Variants in NPAS3 observed in about 807,000 individuals in gnomAD.
NPAS3 encodes the protein neuronal PAS domain-containing protein 3.
In NPAS3, 14 loss-of-function variants were observed where a neutral mutation model predicts 73.1. The observed-to-expected ratio is 0.19, with a 90% CI of 0.13 to 0.30. NPAS3 has a LOEUF of 0.30. Among genes scored for constraint, NPAS3 ranks in the 10% least tolerant of loss-of-function variants. The probability of loss-of-function intolerance (pLI) is 1.00; values close to 1 mark genes in which losing one functional copy is unlikely to be tolerated. For synonymous variants in NPAS3, 620 were observed against 541.5 expected, an observed-to-expected ratio of 1.14 and a Z score of -2.01; for missense variants, 1,096 against 1,250.0, an observed-to-expected ratio of 0.88 and a Z score of 1.86.
intron 3 of NPAS3, among the ~76,000 whole-genome samples, chr14:33,276,424 T>G (rs1358479502): frequency 6.6e-6 from 1 of 152,126 alleles, no homozygotes; most frequent in African/African-American, 2.4e-5. Context: ...AATCAACCAT[T>G]TGTTCTAGTC....
rs776442834 is a variant in NPAS3, at chr14:33,215,658, A to G, written c.385+232A>G. 6.0e-4 allele frequency: 413 copies of G among 684,578 alleles called. 5 individuals are homozygous for G. Among genetic ancestry groups the G allele is most frequent in the Middle Eastern group, 3.8e-4 (1 of 2,636 alleles). The allele number at this position is 684,578 out of a possible 1,614,324, so 42.4% of individuals were successfully genotyped here. ...TCAGCCTAAAATTCTGTCACTTTAT[A>G]TAAGATTTCAGAGAAATGAAAATGA... On this transcript the variant is annotated intron_variant, in intron 3 of 11. Coordinates refer to ENST00000356141, the Ensembl canonical transcript of NPAS3.
In NPAS3 at chr14:33,761,286, G is replaced by A. The variant is rs549597950; in HGVS notation, c.853-13051G>A. Among the ~76,000 whole-genome samples, 5 of 152,286 alleles carry A rather than the reference G, an allele frequency of 3.3e-5. No homozygotes were observed. In the South Asian group the frequency reaches 8.3e-4, roughly 25 times the overall value. Reference sequence around the variant, plus strand: ...CTCACTAAGCCTTTACACTGGCAGAGAGAGGAAAGGAGTTTCTGTAGAATT... The same window carrying A: ...CTCACTAAGCCTTTACACTGGCAGAAAGAGGAAAGGAGTTTCTGTAGAATT... On this transcript the variant is annotated intron_variant, in intron 7 of 11. Transcript: ENST00000356141.
chr14:33,746,901 C>A (rs980638394), intron 7 of NPAS3, among the ~76,000 whole-genome samples: 2 of 147,938 alleles, frequency 1.4e-5, no homozygotes, highest in Non-Finnish European at 2.9e-5. Flanking sequence ...CCCGTCCCCC[C>A]ACCCCACCAC....
At chr14:33,048,871 G>A (rs2040604752) in intron 1 of NPAS3, among the ~76,000 whole-genome samples, 2 of 152,224 alleles carry the variant, frequency 1.3e-5, no homozygotes, top group Admixed American at 1.3e-4. Context: ...CATTTGCTAA[G>A]AGGGTGCACA....
At chr14:32,977,356 G>GCACACACACACACACACACACA (rs3057259) in intron 1 of NPAS3, among the ~76,000 whole-genome samples, 1 of 141,448 alleles carries the variant, frequency 7.1e-6, no homozygotes, top group African/African-American at 2.6e-5. Flanking sequence ...TCTCTGACAC[G>GCACACACACACACACACACACA]CACACACACA....
intron 6 of NPAS3, among the ~76,000 whole-genome samples, chr14:33,721,688 G>A (rs184112869): frequency 6.1e-4 from 93 of 152,032 alleles, no homozygotes; most frequent in Non-Finnish European, 1.2e-3. Flanking sequence ...ATTTATTTAG[G>A]TTTCATTTTG....
At chr14:33,471,904 C>T (rs561750533) in intron 4 of NPAS3, among the ~76,000 whole-genome samples, 6 of 152,170 alleles carry the variant, frequency 3.9e-5, no homozygotes, top group Non-Finnish European at 8.8e-5. Flanking sequence ...GCTCCAGCTC[C>T]TGTCAGATCA....
intron 2 of NPAS3, among the ~76,000 whole-genome samples, chr14:33,075,247 T>C (rs1017800031): frequency 6.6e-6 from 1 of 152,198 alleles, no homozygotes; most frequent in South Asian, 2.1e-4. Flanking sequence ...TTTCTTAGGG[T>C]CCCTCTATAT....
At chr14:33,301,318 ATATATTTTT>A (rs1326671903) in intron 3 of NPAS3, among the ~76,000 whole-genome samples, 1 of 97,128 alleles carries the variant, frequency 1.0e-5, no homozygotes, top group African/African-American at 4.4e-5. Flanking sequence ...ATATATATAT[ATATATTTTT>A]TTTTTTTAAA....
In NPAS3 at chr14:33,579,645, CT is replaced by C. The variant is rs147406882; in HGVS notation, c.558+19445del. Among the ~76,000 whole-genome samples the C allele has an allele frequency of 5.1e-3, 761 of 149,236 alleles. 5 individuals are homozygous for C. Among genetic ancestry groups the C allele is most frequent in the African/African-American group, 0.017 (686 of 40,756 alleles). On this transcript the variant is annotated intron_variant, in intron 5 of 11. Transcript: ENST00000356141. ...TTCAGTTGTGCATTTAATTAGGGGT[CT>C]TTTTTTTTTCTTCATTTGACCAACA...
At chr14:33,729,839 G>T (rs1049319982) in intron 6 of NPAS3, among the ~76,000 whole-genome samples, 1 of 152,090 alleles carries the variant, frequency 6.6e-6, no homozygotes, top group Non-Finnish European at 1.5e-5. Flanking sequence ...CTTTTAGAAG[G>T]AGGAGTTTTG....
At chr14:33,409,595 T>C (rs2047827811) in intron 4 of NPAS3, among the ~76,000 whole-genome samples, 1 of 152,290 alleles carries the variant, frequency 6.6e-6, no homozygotes, top group South Asian at 2.1e-4. Flanking sequence ...TTTTAAAATG[T>C]GGAAAAGTGG....
chr14:33,591,395 T>G (rs577464787), intron 5 of NPAS3, among the ~76,000 whole-genome samples: 1 of 152,024 alleles, frequency 6.6e-6, no homozygotes, highest in Non-Finnish European at 1.5e-5. Context: ...GACTAGAGAG[T>G]GGAAAAGCCA....
chr14:33,645,410 A>C (rs1224125403), intron 5 of NPAS3, among the ~76,000 whole-genome samples: 1 of 152,170 alleles, frequency 6.6e-6, no homozygotes, highest in Non-Finnish European at 1.5e-5. Context: ...CATCAAAATA[A>C]AGGAAAATCT....
chr14:33,151,473 G>T (rs1412572601), intron 2 of NPAS3, among the ~76,000 whole-genome samples: 1 of 152,216 alleles, frequency 6.6e-6, no homozygotes, highest in African/African-American at 2.4e-5. Context: ...ATAAAAGAGG[G>T]TGATGAGAAT....
intron 3 of NPAS3, among the ~76,000 whole-genome samples, chr14:33,217,677 T>C (rs1594421975): frequency 6.6e-6 from 1 of 152,238 alleles, no homozygotes; most frequent in South Asian, 2.1e-4. Context: ...AATGTGATGG[T>C]TCTGTTATTT....
chr14:33,746,502 C>CTTT (rs559179003), intron 7 of NPAS3, among the ~76,000 whole-genome samples: 1 of 140,214 alleles, frequency 7.1e-6, no homozygotes, highest in African/African-American at 2.6e-5. Flanking sequence ...CTGACTCATT[C>CTTT]TTTTTTTTTT....
chr14:33,689,572 T>C (rs12100738), intron 6 of NPAS3, among the ~76,000 whole-genome samples: 11,881 of 152,176 alleles, frequency 0.078, 503 homozygotes, highest in South Asian at 0.15. Context: ...CAAATCGTAG[T>C]ACCCAAAAGA....
chr14:33,511,617 G>A (rs2053058369), intron 4 of NPAS3, among the ~76,000 whole-genome samples: 1 of 152,068 alleles, frequency 6.6e-6, no homozygotes, highest in African/African-American at 2.4e-5. Flanking sequence ...TTAAAAGAAT[G>A]TGATAGATAA....
Sources: gnomAD v4.1 joint callset for allele counts (sites outside exome capture counted in the v4.1 genomes callset) on GRCh38, gnomAD v4.1.1 for gene constraint, MANE v1.5 for transcripts, NCBI Gene and HGNC (gene_info 2026-07-23, HGNC 2026-07-21) for gene names.